Variants in PDCD10 observed in about 807,000 individuals in gnomAD.
PDCD10 encodes the protein programmed cell death 10.
A neutral mutation model predicts 29.2 loss-of-function variants in PDCD10; 4 were observed. The ratio of observed to expected loss-of-function variants is 0.14; its 90% CI spans 0.07 to 0.31. PDCD10 has a LOEUF of 0.31. PDCD10 is among the 10% of genes least tolerant of loss of function. The probability of loss-of-function intolerance (pLI) is 1.00; values close to 1 mark genes in which losing one functional copy is unlikely to be tolerated. For synonymous variants in PDCD10, 70 were observed against 82.2 expected (o/e 0.85, Z 0.80); for missense variants, 183 against 257.9 (o/e 0.71, Z 1.99).
At chr3:167,687,472 G>A in intron 7 of PDCD10, 143 bp downstream of exon 7, 1 of 731,002 alleles carries the variant, frequency 1.4e-6, no homozygotes, top group Non-Finnish European at 2.4e-6. Context: ...TAAATAAAAA[G>A]GCATATTTAA....
At chr3:167,684,567 T>C (rs1719381015) in intron 8 of PDCD10, among the ~76,000 whole-genome samples, 178 bp from the exon 9 acceptor site, 1 of 152,086 alleles carries the variant, frequency 6.6e-6, no homozygotes, top group South Asian at 2.1e-4. Context: ...TTAAACTATC[T>C]AGTAATTACT....
intron 2 of PDCD10, among the ~76,000 whole-genome samples, chr3:167,721,213 A>G (rs1360339531): frequency 1.3e-5 from 2 of 152,164 alleles, no homozygotes; most frequent in African/African-American, 4.8e-5. Context: ...CATTTTGCAC[A>G]TGCATTTAGT....
intron 6 of PDCD10, among the ~76,000 whole-genome samples, chr3:167,691,314 ATC>A (rs919867626): frequency 6.6e-6 from 1 of 152,240 alleles, no homozygotes; most frequent in African/African-American, 2.4e-5. Flanking sequence ...AGGGCAAATT[ATC>A]CCTCCTCAAA....
At chr3:167,733,133 T>C (rs1007596601) in intron 2 of PDCD10, among the ~76,000 whole-genome samples, 2 of 152,342 alleles carry the variant, frequency 1.3e-5, no homozygotes, top group African/African-American at 2.4e-5. Flanking sequence ...GTTGATAATA[T>C]AGTAACTGCA....
chr3:167,695,164 A>T (rs1720673517), intron 6 of PDCD10, among the ~76,000 whole-genome samples: 2 of 152,136 alleles, frequency 1.3e-5, no homozygotes. Context: ...ATATCCCCCA[A>T]AGGCAAGGAT....
At chr3:167,700,830 C>T (rs909870205) in intron 4 of PDCD10, among the ~76,000 whole-genome samples, 2 of 152,118 alleles carry the variant, frequency 1.3e-5, no homozygotes, top group Non-Finnish European at 2.9e-5. Flanking sequence ...AATAAGTCCC[C>T]ACACACCATT....
intron 2 of PDCD10, among the ~76,000 whole-genome samples, chr3:167,732,192 AT>A (rs1240811235): frequency 6.6e-6 from 1 of 152,132 alleles, no homozygotes; most frequent in Admixed American, 6.5e-5. Context: ...GAAGATCTCG[AT>A]TTTGTCTTAC....
chr3:167,700,605 T>C (rs147970263), intron 4 of PDCD10, among the ~76,000 whole-genome samples: 3 of 152,306 alleles, frequency 2.0e-5, no homozygotes, highest in African/African-American at 7.2e-5. Flanking sequence ...AGCTTTTATG[T>C]TGGTGCAGGA....
intron 6 of PDCD10, among the ~76,000 whole-genome samples, chr3:167,691,255 G>A (rs376620893): frequency 2.6e-5 from 4 of 152,154 alleles, no homozygotes; most frequent in African/African-American, 9.7e-5. Context: ...CTATTCATAT[G>A]TGGTTGAATT....
intron 3 of PDCD10, among the ~76,000 whole-genome samples, chr3:167,711,437 A>G (rs1722510216): frequency 6.6e-6 from 1 of 152,252 alleles, no homozygotes; most frequent in Non-Finnish European, 1.5e-5. Flanking sequence ...TGAAAGAAAT[A>G]ATTAGTGAGC....
intron 3 of PDCD10, among the ~76,000 whole-genome samples, chr3:167,705,581 A>T (rs1240791377): frequency 6.6e-6 from 1 of 152,176 alleles, no homozygotes; most frequent in Non-Finnish European, 1.5e-5. Context: ...AATGCCAAGA[A>T]CCTTGCAACT....
At chr3:167,714,017 A>T (rs1722770501) in intron 3 of PDCD10, among the ~76,000 whole-genome samples, 1 of 152,072 alleles carries the variant, frequency 6.6e-6, no homozygotes, top group Non-Finnish European at 1.5e-5. Flanking sequence ...TCCGAAAAAT[A>T]GAGGAGGCGG....
At chr3:167,684,413 C>T (rs776746694) in intron 8 of PDCD10, 24 bp from the exon 9 acceptor site, 1 of 1,382,574 alleles carries the variant, frequency 7.2e-7, no homozygotes, top group South Asian at 1.2e-5. Flanking sequence ...AAAGAATAAG[C>T]ATTAATTTCA....
intron 2 of PDCD10, among the ~76,000 whole-genome samples, chr3:167,733,002 T>G (rs575975390): frequency 1.6e-4 from 25 of 152,242 alleles, no homozygotes; most frequent in African/African-American, 5.5e-4. Flanking sequence ...CATTCTATAG[T>G]ATCATACTTT....
At chr3:167,727,761 A>C (rs1724361342) in intron 2 of PDCD10, among the ~76,000 whole-genome samples, 1 of 152,204 alleles carries the variant, frequency 6.6e-6, no homozygotes, top group South Asian at 2.1e-4. Flanking sequence ...AATCTTAGAT[A>C]CCTAGAATTT....
At chr3:167,712,890 C>T (rs1391952323) in intron 3 of PDCD10, among the ~76,000 whole-genome samples, 1 of 151,882 alleles carries the variant, frequency 6.6e-6, no homozygotes, top group Admixed American at 6.6e-5. Flanking sequence ...GGGGTCAATT[C>T]AGTAAGAGGA....
Position 167,684,241 on chromosome 3 carries a change from T to C in PDCD10, c.*67A>G. The C allele has an allele frequency of 1.1e-6, 1 of 891,342 alleles. No homozygotes were observed. Among genetic ancestry groups the C allele is most frequent in the Non-Finnish European group, 1.9e-6 (1 of 524,770 alleles). 55.2% of individuals were successfully genotyped at this position (891,342 alleles called of 1,614,324 possible). ...ACTGATAATTTATACAGTCAAACTTTAAAATTTACAGATAAAGGCAGTTCA... is the reference window on the plus strand; with the variant it reads ...ACTGATAATTTATACAGTCAAACTTCAAAATTTACAGATAAAGGCAGTTCA... On this transcript the variant is annotated 3_prime_UTR_variant, in exon 9 of 9. Transcript: ENST00000392750.
intron 3 of PDCD10, among the ~76,000 whole-genome samples, chr3:167,714,143 A>C (rs1000539979): frequency 2.0e-5 from 3 of 152,040 alleles, no homozygotes; most frequent in Non-Finnish European, 4.4e-5. Flanking sequence ...TCCTCAACAA[A>C]ATACTAACAA....
intron 8 of PDCD10, among the ~76,000 whole-genome samples, chr3:167,685,282 A>T (rs1719474481): frequency 6.6e-6 from 1 of 150,548 alleles, no homozygotes; most frequent in South Asian, 2.1e-4. Context: ...GCATGGTGGC[A>T]TGTGTCTATA....
Sources: gnomAD v4.1 joint callset for allele counts (sites outside exome capture counted in the v4.1 genomes callset) on GRCh38, gnomAD v4.1.1 for gene constraint, MANE v1.5 for transcripts, NCBI Gene and HGNC (gene_info 2026-07-23, HGNC 2026-07-21) for gene names.